Variants in PTPRE observed in about 807,000 individuals in gnomAD.
PTPRE encodes protein tyrosine phosphatase receptor type E.
In PTPRE, 51 loss-of-function variants were observed where a neutral mutation model predicts 102.0. The ratio of observed to expected loss-of-function variants is 0.50; its 90% CI spans 0.40 to 0.63. PTPRE has a LOEUF of 0.63. PTPRE is among the 30% of genes least tolerant of loss of function. The probability of loss-of-function intolerance (pLI) is 0.00; values close to 1 mark genes in which losing one functional copy is unlikely to be tolerated. For missense variants in PTPRE, 752 were observed against 915.1 expected (o/e 0.82, Z 2.30); for synonymous variants, 345 against 348.2 (o/e 0.99, Z 0.10).
In PTPRE at chr10:128,010,726, G is replaced by A. The variant is rs569627611; in HGVS notation, c.-8+28430G>A. Among the ~76,000 whole-genome samples, 19 of 152,208 alleles carry A rather than the reference G, an allele frequency of 1.2e-4. No homozygotes were observed. The South Asian group carries it at 3.9e-3, about 32-fold the overall frequency. ...CCTGCCTCAGCCTCCTGAGTAGCTG[G>A]GACTACAGGTGCCCGCGGACACGCC... On this transcript the variant is annotated intron_variant, in intron 2 of 20. Transcript: ENST00000254667.
intron 2 of PTPRE, 147 bp downstream of exon 2, chr10:127,982,443 C>A (rs774932915): frequency 4.0e-6 from 2 of 495,538 alleles, no homozygotes; most frequent in Non-Finnish European, 3.2e-6. Flanking sequence ...TTATGCCTTA[C>A]CTTGCTTGAG....
chr10:128,042,093 C>A lies in PTPRE; in HGVS notation c.109+1103C>A, dbSNP rs565756108. Among the ~76,000 whole-genome samples the A allele has an allele frequency of 3.3e-5, 5 of 152,342 alleles. No homozygotes were observed. The East Asian group carries it at 7.7e-4, about 23-fold the overall frequency. On this transcript the variant is annotated intron_variant, in intron 3 of 20. Coordinates refer to ENST00000254667, the MANE Select transcript of PTPRE (RefSeq NM_006504.6). ...GAAGCTGCCCGCAAATATTAACTTG[C>A]CTCTTTGCAAGCCAGCCTTTCAGGG... is the stretch of plus-strand genomic sequence containing the variant.
chr10:127,956,635 T>A (rs1849424320), intron 1 of PTPRE, among the ~76,000 whole-genome samples: 1 of 152,228 alleles, frequency 6.6e-6, no homozygotes, highest in African/African-American at 2.4e-5. Flanking sequence ...TTTAGTTTTA[T>A]AAGAAACCAC....
Position 128,068,148 on chromosome 10 carries a change from C to T in PTPRE, c.869C>T (p.Pro290Leu), listed in dbSNP as rs772050702. 26 of 1,613,880 alleles carry T rather than the reference C, an allele frequency of 1.6e-5. No homozygotes were observed. Among genetic ancestry groups the T allele is most frequent in the Non-Finnish European group, 2.1e-5 (25 of 1,179,882 alleles). ...CAGCTCCCCGACGGCTGCAAAGCCC[C>T]CAGGCTGGTCTCACAGCTGCACTTC... ...QPQLPDGCKA[P>L]RLVSQLHFTS... The change falls in exon 12 of 21, where the codon CCC becomes CTC. Residue 290 changes from proline (P) to leucine (L), a missense_variant. By Grantham distance (98) the Pro-to-Leu change is moderately conservative (BLOSUM62 -3). Transcript: ENST00000254667.
At position 128,079,757 on chromosome 10, in the gene PTPRE, GTA is replaced by G. The variant is rs1851540299; in HGVS notation, c.2028+64_2028+65del. 4 of 1,554,128 alleles carry G rather than the reference GTA, an allele frequency of 2.6e-6. No homozygotes were observed. In the Admixed American group the frequency reaches 5.3e-5, roughly 21 times the overall value. ...AGAATTATTTCATGTTGTATTTGATGTATGTTTCATTAAAGGACCTTAAGTAC... is the reference window on the plus strand; with the variant it reads ...AGAATTATTTCATGTTGTATTTGATGTGTTTCATTAAAGGACCTTAAGTAC... On this transcript the variant is annotated intron_variant, in intron 20 of 20. Transcript: ENST00000254667.
chr10:128,061,038 T>C (rs1447053518), intron 8 of PTPRE, 23 bp downstream of exon 8: 1 of 1,608,834 alleles, frequency 6.2e-7, no homozygotes, highest in Non-Finnish European at 8.5e-7. Flanking sequence ...AGGTTTCTTG[T>C]TCCCCTGGCC....
intron 2 of PTPRE, among the ~76,000 whole-genome samples, chr10:128,037,812 A>T (rs1410537156): frequency 6.6e-6 from 1 of 152,122 alleles, no homozygotes; most frequent in Non-Finnish European, 1.5e-5. Flanking sequence ...GCATTTTTTT[A>T]TATGAGTCTC....
chr10:128,068,082 G>A, intron 11 of PTPRE, 41 bp from the exon 12 acceptor site: 3 of 1,583,072 alleles, frequency 1.9e-6, no homozygotes, highest in South Asian at 1.1e-5. Context: ...AGCAGGGGGA[G>A]GATTGTTTCA....
At chr10:128,050,238 GTGGA>G (rs1291884862) in intron 6 of PTPRE, among the ~76,000 whole-genome samples, 17 of 151,252 alleles carry the variant, frequency 1.1e-4, no homozygotes, top group Non-Finnish European at 1.8e-4. Flanking sequence ...GGATGGATGG[GTGGA>G]TGGATGGATG....
Position 128,083,391 on chromosome 10 carries a change from C to A in PTPRE, c.*485C>A, listed in dbSNP as rs1001454851. 2 of 152,560 alleles carry A rather than the reference C, an allele frequency of 1.3e-5. No individual in the cohort carries two copies. The highest frequency in any genetic ancestry group is 4.8e-5 in the African/African-American group (2 of 41,478). The allele number at this position is 152,560 out of a possible 1,614,324, so 9.5% of individuals were successfully genotyped here. A position where few individuals can be genotyped will look rare whatever the true frequency, so the allele number is the denominator to read the frequency against. ...GATGGTACAATGTAAATGGGGACTT[C>A]TGTAAAGTTCTCAGTTTCGGTCCAT... On this transcript the variant is annotated 3_prime_UTR_variant, in exon 21 of 21. Coordinates refer to ENST00000254667, the MANE Select transcript of PTPRE (RefSeq NM_006504.6).
At chr10:128,003,652 C>T (rs780362506) in intron 2 of PTPRE, among the ~76,000 whole-genome samples, 6 of 152,192 alleles carry the variant, frequency 3.9e-5, no homozygotes, top group Non-Finnish European at 7.3e-5. Flanking sequence ...CTCTGGAATT[C>T]TGCCAGTGTT....
intron 2 of PTPRE, among the ~76,000 whole-genome samples, chr10:128,034,517 C>T (rs879521043): frequency 1.3e-5 from 2 of 151,798 alleles, no homozygotes; most frequent in Non-Finnish European, 2.9e-5. Context: ...TAGTGAGACC[C>T]CCCCCATCTT....
intron 7 of PTPRE, 62 bp downstream of exon 7, chr10:128,056,275 T>G (rs767635903): frequency 2.1e-6 from 3 of 1,411,702 alleles, no homozygotes; most frequent in Non-Finnish European, 3.0e-6. Flanking sequence ...AGCTTTGCCT[T>G]GCAGCTCCCC....
intron 1 of PTPRE, among the ~76,000 whole-genome samples, chr10:127,973,735 T>C (rs533468748): frequency 2.8e-4 from 42 of 152,312 alleles, no homozygotes; most frequent in African/African-American, 9.4e-4. Flanking sequence ...TAATATCCTC[T>C]GCATGCCTGT....
rs112278886 is a variant in PTPRE, at chr10:127,914,508, A to G, written c.-31+7199A>G. 7.9e-3 allele frequency among the ~76,000 whole-genome samples: 1,202 copies of G among 152,352 alleles called. 6 individuals are homozygous for G. Among genetic ancestry groups the G allele is most frequent in the Admixed American group, 0.015 (223 of 15,298 alleles). ...AAAAAGGCTAGGTTGTTACTGAGGT[A>G]ACATGGGATGGATCTTTGGAGGTGG... On this transcript the variant is annotated intron_variant, in intron 1 of 20. Coordinates refer to ENST00000254667, the MANE Select transcript of PTPRE (RefSeq NM_006504.6).
At chr10:127,981,379 A>C (rs1400805078) in intron 1 of PTPRE, among the ~76,000 whole-genome samples, 2 of 152,198 alleles carry the variant, frequency 1.3e-5, no homozygotes, top group Non-Finnish European at 2.9e-5. Context: ...AAATGTTCTA[A>C]TATTAGATTA....
At chr10:127,925,947 A>G (rs191711637) in intron 1 of PTPRE, among the ~76,000 whole-genome samples, 144 of 152,372 alleles carry the variant, frequency 9.5e-4, no homozygotes, top group Middle Eastern at 3.4e-3. Flanking sequence ...ACCTGGTATT[A>G]CAGTATTAAC....
rs187233335 is a variant in PTPRE, at chr10:127,963,772, C to G, written c.-30-18502C>G. ...ATAGTCTCTAGCAGTGTGAGACAAC[C>G]AGCACACCATCCTGGTGCTGAGCAC... is the stretch of plus-strand genomic sequence containing the variant. On this transcript the variant is annotated intron_variant, in intron 1 of 20. Transcript: ENST00000254667. 5.5e-4 allele frequency among the ~76,000 whole-genome samples: 83 copies of G among 152,234 alleles called. No individual in the cohort carries two copies. In the East Asian group the frequency reaches 0.014, roughly 25 times the overall value.
At chr10:127,967,920 T>C (rs1850380922) in intron 1 of PTPRE, among the ~76,000 whole-genome samples, 1 of 152,206 alleles carries the variant, frequency 6.6e-6, no homozygotes, top group Non-Finnish European at 1.5e-5. Flanking sequence ...TTTTTATGTT[T>C]ATTGAATACC....
Sources: gnomAD v4.1 joint callset for allele counts (sites outside exome capture counted in the v4.1 genomes callset) on GRCh38, gnomAD v4.1.1 for gene constraint, MANE v1.5 for transcripts, NCBI Gene and HGNC (gene_info 2026-07-23, HGNC 2026-07-21) for gene names.